The following COA8 variants were observed in gnomAD, a reference collection of about 807,000 sequenced individuals.
The protein encoded by COA8 is cytochrome c oxidase assembly factor 8.
In COA8, 20 loss-of-function variants were observed where a neutral mutation model predicts 22.0. The observed-to-expected ratio is 0.91, with a 90% CI of 0.64 to 1.32. The LOEUF is 1.32. COA8 is among the 40% of genes most tolerant of loss of function. COA8 has a pLI of 0.00. For missense variants in COA8, 266 were observed against 230.0 expected (o/e 1.16, Z -1.01); for synonymous variants, 105 against 79.9 (o/e 1.31, Z -1.68).
At chr14:103,572,808 G>A (rs1424661872) in intron 2 of COA8, among the ~76,000 whole-genome samples, 2 of 151,602 alleles carry the variant, frequency 1.3e-5, no homozygotes, top group Non-Finnish European at 2.9e-5. Context: ...TTTTGAGACG[G>A]AGTCTCGCTC....
chr14:103,569,970 G>A (rs2076169995), intron 1 of COA8, among the ~76,000 whole-genome samples: 1 of 152,080 alleles, frequency 6.6e-6, no homozygotes, highest in African/African-American at 2.4e-5. Context: ...AATTCTCCTG[G>A]CTCAGCCTCT....
At chr14:103,573,969 G>T (rs1202840317) in intron 2 of COA8, 138 bp from the exon 3 acceptor site, 2 of 1,124,994 alleles carry the variant, frequency 1.8e-6, no homozygotes, top group South Asian at 3.6e-5. Flanking sequence ...CGAGCTTTGA[G>T]ATGGGTCACT....
chr14:103,575,679 C>CA (rs2076225141), intron 3 of COA8, among the ~76,000 whole-genome samples: 1 of 152,108 alleles, frequency 6.6e-6, no homozygotes, highest in Non-Finnish European at 1.5e-5. Context: ...TCCAGTGGGT[C>CA]AAAATGTTAA....
chr14:103,581,848 G>A lies in COA8; in HGVS notation c.386-5426G>A, dbSNP rs577546742. On this transcript the variant is annotated intron_variant, in intron 3 of 4. Transcript: ENST00000409074. This position sits in a 1 kb window ranked among gnomAD's most constrained non-coding sequence, Gnocchi z 4.1. The stretch of plus-strand genomic sequence containing the variant: ...TCTGCCGTGTGGCTAGGGGACAGCC[G>A]TGCTTGTGCTGTGCCGTCTGAGTGT... Among the ~76,000 whole-genome samples the A allele has an allele frequency of 7.9e-5, 12 of 152,214 alleles. No homozygotes were observed. Among genetic ancestry groups the A allele is most frequent in the African/African-American group, 2.4e-4 (10 of 41,456 alleles).
At chr14:103,583,541 CAAAAAAAAA>C (rs35726464) in intron 3 of COA8, among the ~76,000 whole-genome samples, 4 of 53,104 alleles carry the variant, frequency 7.5e-5, no homozygotes, top group Non-Finnish European at 1.0e-4. Context: ...GACTCGATCT[CAAAAAAAAA>C]AAAAAAAAAA....
At chr14:103,580,192 T>G (rs950763982) in intron 3 of COA8, among the ~76,000 whole-genome samples, 3 of 151,818 alleles carry the variant, frequency 2.0e-5, no homozygotes, top group Non-Finnish European at 4.4e-5. Flanking sequence ...TCCTCCTGCC[T>G]CAGCCTCCCA....
intron 3 of COA8, among the ~76,000 whole-genome samples, chr14:103,583,068 C>T (rs2076279967): frequency 6.6e-6 from 1 of 151,984 alleles, no homozygotes; most frequent in African/African-American, 2.4e-5. Flanking sequence ...TATATTGTCT[C>T]ATGTATTAGC....
intron 1 of COA8, 108 bp from the exon 2 acceptor site, chr14:103,571,515 C>G: frequency 8.7e-7 from 1 of 1,147,346 alleles, no homozygotes; most frequent in South Asian, 1.5e-5. Flanking sequence ...TCCAGTCTGG[C>G]AACAGAGCGA....
chr14:103,564,255 G>A (rs535327470), intron 1 of COA8, among the ~76,000 whole-genome samples: 12 of 152,240 alleles, frequency 7.9e-5, no homozygotes, highest in Non-Finnish European at 1.3e-4. Flanking sequence ...TAGCTTTGAA[G>A]GTCTATCTAG....
chr14:103,578,259 T>C (rs2076243462), intron 3 of COA8, among the ~76,000 whole-genome samples: 1 of 152,092 alleles, frequency 6.6e-6, no homozygotes. Flanking sequence ...GCACAATCTT[T>C]CATTGCAGAA....
chr14:103,579,227 T>G (rs1333006579), intron 3 of COA8: 1 of 161,522 alleles, frequency 6.2e-6, no homozygotes, highest in African/African-American at 2.4e-5. Flanking sequence ...TACCAAGCCC[T>G]GTATGTACAC....
At chr14:103,564,970 C>T (rs73361334) in intron 1 of COA8, among the ~76,000 whole-genome samples, 3,886 of 151,746 alleles carry the variant, frequency 0.026, 167 homozygotes, top group African/African-American at 0.089. Flanking sequence ...TTTCTTTTTT[C>T]GAGATGGAGT....
chr14:103,572,795 C>T (rs55825782), intron 2 of COA8, among the ~76,000 whole-genome samples: 96,477 of 149,398 alleles, frequency 0.65, 31,437 homozygotes, highest in African/African-American at 0.73. Flanking sequence ...AAATTTTTTT[C>T]TTTTTTGAGA....
At chr14:103,573,742 G>A (rs1251145965) in intron 2 of COA8, among the ~76,000 whole-genome samples, 3 of 151,944 alleles carry the variant, frequency 2.0e-5, no homozygotes, top group African/African-American at 4.8e-5. Flanking sequence ...TAGTAGAGAC[G>A]GGGTTTCTCC....
chr14:103,571,562 T>C, intron 1 of COA8, 61 bp from the exon 2 acceptor site: 1 of 1,446,912 alleles, frequency 6.9e-7, no homozygotes, highest in Non-Finnish European at 9.6e-7. Flanking sequence ...ATCCAGATTG[T>C]ACATTTTATA....
chr14:103,568,994 C>T (rs548746556), intron 1 of COA8, among the ~76,000 whole-genome samples: 3 of 152,216 alleles, frequency 2.0e-5, no homozygotes, highest in East Asian at 1.9e-4. Context: ...GATGCAGATT[C>T]GGCCTGACCA....
chr14:103,585,060 C>T (rs1487144268), intron 3 of COA8, among the ~76,000 whole-genome samples: 1 of 152,028 alleles, frequency 6.6e-6, no homozygotes, highest in African/African-American at 2.4e-5. Context: ...ATCGCTTGAA[C>T]CCAGAAGGCA....
At chr14:103,575,759 G>A (rs962684171) in intron 3 of COA8, among the ~76,000 whole-genome samples, 2 of 152,086 alleles carry the variant, frequency 1.3e-5, no homozygotes, top group Admixed American at 1.3e-4. Context: ...GAATGCAGTG[G>A]CACCATCTAG....
At chr14:103,564,994 C>T (rs1402136727) in intron 1 of COA8, among the ~76,000 whole-genome samples, 1 of 152,146 alleles carries the variant, frequency 6.6e-6, no homozygotes, top group African/African-American at 2.4e-5. Context: ...TGCTCTGTTG[C>T]CCAGGCTGGA....
Sources: gnomAD v4.1 joint callset for allele counts (sites outside exome capture counted in the v4.1 genomes callset) on GRCh38, gnomAD v4.1.1 for gene constraint, Gnocchi (gnomAD v3.1) non-coding constraint, MANE v1.5 for transcripts, NCBI Gene and HGNC (gene_info 2026-07-23, HGNC 2026-07-21) for gene names.